Variants in DENND1A observed in about 807,000 individuals in gnomAD.
The protein encoded by DENND1A is DENN domain-containing protein 1A.
A neutral mutation model predicts 113.7 loss-of-function variants in DENND1A; 51 were observed. That is an observed-to-expected ratio of 0.45 (90% CI 0.36 to 0.57). DENND1A has a LOEUF of 0.57. DENND1A is among the 20% of genes least tolerant of loss of function. The pLI, the probability that DENND1A is intolerant of heterozygous loss-of-function variation, is 0.00. For missense variants in DENND1A, 1,258 were observed against 1,395.9 expected (o/e 0.90, Z 1.57); for synonymous variants, 565 against 570.8 (o/e 0.99, Z 0.14).
chr9:123,868,016 G>A (rs1179231962), intron 2 of DENND1A, among the ~76,000 whole-genome samples: 1 of 152,146 alleles, frequency 6.6e-6, no homozygotes, highest in African/African-American at 2.4e-5. Flanking sequence ...GAAAATATGA[G>A]TAGAAAACCT....
intron 12 of DENND1A, among the ~76,000 whole-genome samples, chr9:123,564,572 C>T (rs958487177): frequency 7.2e-5 from 11 of 152,270 alleles, no homozygotes; most frequent in African/African-American, 1.9e-4. Context: ...AGTGCTCTCA[C>T]CCACCATTGC....
chr9:123,743,383 GGAGT>G (rs2069181764), intron 5 of DENND1A, among the ~76,000 whole-genome samples: 2 of 149,874 alleles, frequency 1.3e-5, no homozygotes, highest in Admixed American at 1.3e-4. Context: ...CCTGAGCGAT[GGAGT>G]AAGACTCAGT....
At chr9:123,475,746 C>G (rs907277925) in intron 13 of DENND1A, among the ~76,000 whole-genome samples, 1 of 152,236 alleles carries the variant, frequency 6.6e-6, no homozygotes, top group Non-Finnish European at 1.5e-5. Flanking sequence ...CCAACAGAGA[C>G]TAATGATTGT....
At chr9:123,545,645 T>A (rs2056620673) in intron 13 of DENND1A, among the ~76,000 whole-genome samples, 1 of 152,050 alleles carries the variant, frequency 6.6e-6, no homozygotes, top group Non-Finnish European at 1.5e-5. Flanking sequence ...TTTTTTGTAT[T>A]TTTAGTAGAG....
intron 15 of DENND1A, among the ~76,000 whole-genome samples, chr9:123,455,087 G>T (rs1283046879): frequency 6.6e-6 from 1 of 152,206 alleles, no homozygotes; most frequent in Non-Finnish European, 1.5e-5. Flanking sequence ...CTCCCAAAGT[G>T]CTGGGATTAC....
At chr9:123,886,509 ACCG>A (rs1383647365) in intron 1 of DENND1A, among the ~76,000 whole-genome samples, 2 of 152,222 alleles carry the variant, frequency 1.3e-5, no homozygotes, top group African/African-American at 4.8e-5. Context: ...GCTGAGGTGT[ACCG>A]TTTAAAAATT....
intron 8 of DENND1A, among the ~76,000 whole-genome samples, chr9:123,662,292 G>A (rs185258739): frequency 6.6e-6 from 1 of 152,294 alleles, no homozygotes; most frequent in East Asian, 1.9e-4. Context: ...TAAAGAGGCT[G>A]GACTCACACT....
chr9:123,922,286 A>T (rs1202354494), intron 1 of DENND1A, among the ~76,000 whole-genome samples: 1 of 152,150 alleles, frequency 6.6e-6, no homozygotes, highest in East Asian at 1.9e-4. Flanking sequence ...CTTGATCTTC[A>T]GCAGTAAAAA....
chr9:123,912,644 C>T (rs1854224680), intron 1 of DENND1A, among the ~76,000 whole-genome samples: 1 of 151,982 alleles, frequency 6.6e-6, no homozygotes, highest in African/African-American at 2.4e-5. Context: ...CTACAGAAAG[C>T]TAAGGAGGGA....
intron 7 of DENND1A, among the ~76,000 whole-genome samples, chr9:123,669,935 G>GT (rs2063684525): frequency 6.6e-6 from 1 of 152,062 alleles, no homozygotes; most frequent in Non-Finnish European, 1.5e-5. Context: ...TAGGCTTGAA[G>GT]TTAGCCCTGG....
At chr9:123,767,514 G>A (rs188767950) in intron 4 of DENND1A, among the ~76,000 whole-genome samples, 7 of 152,196 alleles carry the variant, frequency 4.6e-5, no homozygotes, top group Admixed American at 4.6e-4. Flanking sequence ...GATATTTTTG[G>A]TAACAAAAAA....
At position 123,454,747 on chromosome 9, in the gene DENND1A, T is replaced by C. The variant is rs1248069364; in HGVS notation, c.1219A>G (p.Thr407Ala). 1 of 1,554,726 alleles carries C rather than the reference T, an allele frequency of 6.4e-7. No homozygotes were observed. Among genetic ancestry groups the C allele is most frequent in the Non-Finnish European group, 8.7e-7 (1 of 1,148,438 alleles). The change falls in exon 16 of 24, where the codon ACT becomes GCT. Residue 407 changes from threonine (T) to alanine (A), a missense_variant. This residue lies in a region of DENND1A where 1,159 missense variants were observed against 1,231.7 expected (regional missense o/e 0.94). Transcript: ENST00000394215. ...ATTGGGTGCATGCTTACCCGGACAGTGGAGAGCCACTGATGGTACAGTTTG... is the reference window on the plus strand; with the variant it reads ...ATTGGGTGCATGCTTACCCGGACAGCGGAGAGCCACTGATGGTACAGTTTG... Reference protein sequence around the residue: ...SDKLYHQWLSTVRKGSGAILN... With the variant: ...SDKLYHQWLSAVRKGSGAILN...
chr9:123,462,550 A>C (rs555725080), intron 13 of DENND1A, among the ~76,000 whole-genome samples: 3 of 152,252 alleles, frequency 2.0e-5, no homozygotes, highest in Admixed American at 1.3e-4. Context: ...TAATCTCAGC[A>C]ATTTGGGAGG....
At chr9:123,677,718 G>A (rs774439431) in intron 5 of DENND1A, among the ~76,000 whole-genome samples, 1 of 152,200 alleles carries the variant, frequency 6.6e-6, no homozygotes, top group Non-Finnish European at 1.5e-5. Context: ...ATAGGCGTGA[G>A]CCACCTGGCC....
chr9:123,879,613 C>A (rs539661072), intron 1 of DENND1A, among the ~76,000 whole-genome samples: 4 of 152,162 alleles, frequency 2.6e-5, no homozygotes, highest in Admixed American at 2.6e-4. Context: ...AATAGGCTAG[C>A]CATTACTATG....
At chr9:123,698,218 TGAGAA>T (rs1284238333) in intron 5 of DENND1A, among the ~76,000 whole-genome samples, 1 of 152,174 alleles carries the variant, frequency 6.6e-6, no homozygotes, top group Non-Finnish European at 1.5e-5. Context: ...CAAGGAGTCG[TGAGAA>T]GAGATCCCTT....
chr9:123,838,228 T>C (rs1206376560), intron 2 of DENND1A, among the ~76,000 whole-genome samples: 1 of 152,204 alleles, frequency 6.6e-6, no homozygotes. Flanking sequence ...TTCATCTTTC[T>C]GTGCGTTGGT....
At chr9:123,836,992 C>T (rs1298260291) in intron 2 of DENND1A, among the ~76,000 whole-genome samples, 1 of 152,008 alleles carries the variant, frequency 6.6e-6, no homozygotes, top group African/African-American at 2.4e-5. Flanking sequence ...ACTCTGAATA[C>T]CTCATATTAT....
intron 2 of DENND1A, among the ~76,000 whole-genome samples, chr9:123,871,847 G>GA (rs1846669654): frequency 6.6e-6 from 1 of 152,200 alleles, no homozygotes; most frequent in Admixed American, 6.5e-5. Context: ...CATTTCTGAA[G>GA]AACCTGATGC....
Sources: allele counts gnomAD v4.1 joint callset (sites outside exome capture counted in the v4.1 genomes callset), GRCh38; gene constraint gnomAD v4.1.1; regional missense constraint gnomAD v4.1.1; transcripts MANE v1.5; gene names NCBI Gene and HGNC (gene_info 2026-07-23, HGNC 2026-07-21).